GRAMD1B: variants seen among roughly 807,000 people sequenced by gnomAD.
The protein encoded by GRAMD1B is GRAM domain containing 1B.
Under a neutral mutation model 99.7 loss-of-function variants are expected in GRAMD1B, and 37 were observed. The ratio of observed to expected loss-of-function variants is 0.37; its 90% CI spans 0.29 to 0.49. GRAMD1B has a LOEUF of 0.49. GRAMD1B is among the 20% of genes least tolerant of loss of function. The probability of loss-of-function intolerance (pLI) is 0.98; values close to 1 mark genes in which losing one functional copy is unlikely to be tolerated. For synonymous variants in GRAMD1B, 427 were observed against 387.6 expected (o/e 1.10, Z -1.19); for missense variants, 888 against 1,009.2 (o/e 0.88, Z 1.63).
At chr11:123,412,711 T>G (rs1194350838) in intron 1 of GRAMD1B, among the ~76,000 whole-genome samples, 1 of 152,228 alleles carries the variant, frequency 6.6e-6, no homozygotes, top group Non-Finnish European at 1.5e-5. Context: ...TAATTTTGTC[T>G]GATTTCATAT....
chr11:123,360,300 A>G (rs1946095163), intron 1 of GRAMD1B, among the ~76,000 whole-genome samples: 1 of 152,112 alleles, frequency 6.6e-6, no homozygotes, highest in South Asian at 2.1e-4. Flanking sequence ...GCTTGTACTG[A>G]ATGTTCCTAT....
intron 1 of GRAMD1B, among the ~76,000 whole-genome samples, chr11:123,404,246 G>A (rs906251119): frequency 3.9e-5 from 6 of 152,132 alleles, no homozygotes; most frequent in Non-Finnish European, 8.8e-5. Flanking sequence ...AGTGATTACT[G>A]TTCCATGTGT....
chr11:123,483,724 G>A (rs959601337), intron 2 of GRAMD1B, among the ~76,000 whole-genome samples: 35 of 152,120 alleles, frequency 2.3e-4, no homozygotes, highest in African/African-American at 4.8e-4. Flanking sequence ...GTAACAAACC[G>A]CAGATAAGGG....
intron 7 of GRAMD1B, chr11:123,597,952 T>C: frequency 1.7e-6 from 2 of 1,145,452 alleles, no homozygotes; most frequent in Non-Finnish European, 2.6e-6. Context: ...ACTAGAGCAG[T>C]CCTTGTTTTT....
chr11:123,410,361 G>A (rs1213777640), intron 1 of GRAMD1B, among the ~76,000 whole-genome samples: 1 of 152,120 alleles, frequency 6.6e-6, no homozygotes, highest in Non-Finnish European at 1.5e-5. Context: ...TGTTATGATG[G>A]GGTGGAAGGG....
At chr11:123,474,565 G>A (rs1167289449) in intron 1 of GRAMD1B, among the ~76,000 whole-genome samples, 1 of 152,142 alleles carries the variant, frequency 6.6e-6, no homozygotes, top group Non-Finnish European at 1.5e-5. Context: ...TAAGTGACTT[G>A]GCCAAGGTTA....
At chr11:123,400,677 G>GCTCCACC (rs1386111567) in intron 1 of GRAMD1B, among the ~76,000 whole-genome samples, 1 of 151,916 alleles carries the variant, frequency 6.6e-6, no homozygotes, top group Non-Finnish European at 1.5e-5. Flanking sequence ...ATTCATGAGG[G>GCTCCACC]CTCCACCCTC....
At chr11:123,549,245 A>T (rs2135825802) in intron 2 of GRAMD1B, among the ~76,000 whole-genome samples, 2 of 152,252 alleles carry the variant, frequency 1.3e-5, no homozygotes, top group South Asian at 4.1e-4. Flanking sequence ...GAGCTGTGAG[A>T]TGAAGAATGA....
intron 1 of GRAMD1B, among the ~76,000 whole-genome samples, chr11:123,468,907 G>GT (rs1185913366): frequency 5.1e-4 from 77 of 151,592 alleles, no homozygotes; most frequent in Non-Finnish European, 8.8e-4. Context: ...ATAATATTGT[G>GT]TGTCTACTCA....
chr11:123,562,221 A>T (rs1190368939), intron 2 of GRAMD1B, among the ~76,000 whole-genome samples: 1 of 151,400 alleles, frequency 6.6e-6, no homozygotes, highest in Non-Finnish European at 1.5e-5. Flanking sequence ...AAGACTAAAC[A>T]CCTCCCACAC....
At chr11:123,462,895 A>AAG (rs1325688847) in intron 1 of GRAMD1B, among the ~76,000 whole-genome samples, 2 of 106,562 alleles carry the variant, frequency 1.9e-5, no homozygotes, top group African/African-American at 7.2e-5. Flanking sequence ...ATAAATTAAA[A>AAG]AAAAAAAAAA....
intron 1 of GRAMD1B, among the ~76,000 whole-genome samples, chr11:123,450,867 C>G (rs150449826): frequency 1.6e-4 from 25 of 152,284 alleles, no homozygotes; most frequent in African/African-American, 6.0e-4. Flanking sequence ...TTGTGGGAGT[C>G]TCTTGGCACT....
At chr11:123,552,273 CT>C (rs71060514) in intron 2 of GRAMD1B, among the ~76,000 whole-genome samples, 43,501 of 119,668 alleles carry the variant, frequency 0.36, 5,293 homozygotes, top group African/African-American at 0.46. Context: ...CTCTTTCTTT[CT>C]TTTTTTTTTT....
At chr11:123,529,557 G>A (rs913100699) in intron 2 of GRAMD1B, among the ~76,000 whole-genome samples, 1 of 152,196 alleles carries the variant, frequency 6.6e-6, no homozygotes, top group Admixed American at 6.5e-5. Context: ...AGCAAGGTAA[G>A]GGCAGTGGTG....
Position 123,577,451 on chromosome 11 carries a change from G to A in GRAMD1B, c.537G>A (p.Gln179=). 2 of 1,604,252 alleles carry A rather than the reference G, an allele frequency of 1.2e-6. No homozygotes were observed. The highest frequency in any genetic ancestry group is 1.7e-6 in the Non-Finnish European group (2 of 1,175,656). Residue 179 remains glutamine (Q), a synonymous_variant, in exon 3 of 20, where the codon CAG becomes CAA. Coordinates refer to ENST00000635736, the MANE Select transcript of GRAMD1B (RefSeq NM_001387025.1). Reference sequence around the variant, plus strand: ...CTCGCTCGCCAACCCCGCAGAACCAGGACGGAGACACCATGGTGGAGAAGG... The same window carrying A: ...CTCGCTCGCCAACCCCGCAGAACCAAGACGGAGACACCATGGTGGAGAAGG... The part of the protein sequence containing the change: ...KRSRSPTPQN[Q]DGDTMVEKGS...
At chr11:123,500,172 T>G (rs1368255987) in intron 2 of GRAMD1B, among the ~76,000 whole-genome samples, 4 of 151,990 alleles carry the variant, frequency 2.6e-5, no homozygotes, top group Admixed American at 6.6e-5. Context: ...AATACAAAAA[T>G]TAGCTGGGCG....
intron 1 of GRAMD1B, among the ~76,000 whole-genome samples, chr11:123,456,662 A>G (rs1950133967): frequency 1.3e-5 from 2 of 152,130 alleles, no homozygotes; most frequent in African/African-American, 2.4e-5. Context: ...ACTCACGCCT[A>G]TAATTCCAGC....
chr11:123,568,280 C>T (rs538910464), intron 2 of GRAMD1B, among the ~76,000 whole-genome samples: 155 of 152,264 alleles, frequency 1.0e-3, no homozygotes, highest in African/African-American at 3.5e-3. Context: ...GCCGTGTGGA[C>T]GCTGAGTGAA....
In GRAMD1B at chr11:123,462,890, TTAAAAAAAAA is replaced by T. The variant is rs1011068488; in HGVS notation, c.375-17925_375-17916del. ...CAAGAATTATCAATAAAAAAATAAA[TTAAAAAAAAA>T]AAAAAAAAAAAAGAAATCCCTGTTT... On this transcript the variant is annotated intron_variant, in intron 1 of 19. Coordinates refer to ENST00000635736, the MANE Select transcript of GRAMD1B (RefSeq NM_001387025.1). Among the ~76,000 whole-genome samples, 23 of 123,114 alleles carry T rather than the reference TTAAAAAAAAA, an allele frequency of 1.9e-4. 1 individual carries two copies. The highest frequency in any genetic ancestry group is 6.1e-4 in the Admixed American group (7 of 11,432). The allele number at this position is 123,114 out of a possible 152,430, so 80.8% of individuals were successfully genotyped here.
Sources: gnomAD v4.1 joint callset for allele counts (sites outside exome capture counted in the v4.1 genomes callset) on GRCh38, gnomAD v4.1.1 for gene constraint, MANE v1.5 for transcripts, NCBI Gene and HGNC (gene_info 2026-07-23, HGNC 2026-07-21) for gene names.